Variants in LRRC4C observed in about 807,000 individuals in gnomAD.
The protein encoded by LRRC4C is leucine-rich repeat-containing protein 4C.
A neutral mutation model predicts 33.6 loss-of-function variants in LRRC4C; 5 were observed. The ratio of observed to expected loss-of-function variants is 0.15; its 90% CI spans 0.08 to 0.31. The LOEUF is 0.31. LRRC4C is among the 10% of genes least tolerant of loss of function. LRRC4C has a pLI of 1.00. For synonymous variants in LRRC4C, 329 were observed against 302.0 expected, an observed-to-expected ratio of 1.09 and a Z score of -0.93; for missense variants, 560 against 796.7, an observed-to-expected ratio of 0.70 and a Z score of 3.58.
chr11:40,974,657 A>G (rs1256868144), intron 1 of LRRC4C, among the ~76,000 whole-genome samples: 1 of 152,218 alleles, frequency 6.6e-6, no homozygotes, highest in Non-Finnish European at 1.5e-5. Flanking sequence ...GTAAAGCATT[A>G]CACTTAGGTG....
intron 1 of LRRC4C, chr11:41,426,505 G>C (rs1012862672): frequency 6.6e-6 from 1 of 152,162 alleles, no homozygotes; most frequent in Non-Finnish European, 1.5e-5. Context: ...GCTTGTGCTC[G>C]TGTTTTGGTT....
chr11:40,170,909 A>C (rs1859992473), intron 5 of LRRC4C, among the ~76,000 whole-genome samples: 2 of 152,228 alleles, frequency 1.3e-5, no homozygotes. Flanking sequence ...AGCACTTCTC[A>C]GAGCCTTTTA....
intron 1 of LRRC4C, among the ~76,000 whole-genome samples, chr11:41,182,801 G>A (rs1945510083): frequency 6.7e-6 from 1 of 150,178 alleles, no homozygotes; most frequent in Non-Finnish European, 1.5e-5. Context: ...TACTATATTA[G>A]TCTGTTTTCA....
At chr11:40,678,088 G>A (rs116787488) in intron 2 of LRRC4C, among the ~76,000 whole-genome samples, 208 of 151,828 alleles carry the variant, frequency 1.4e-3, no homozygotes, top group African/African-American at 4.9e-3. Flanking sequence ...GGGGTAGGGT[G>A]GGTTCTGCTA....
At chr11:40,399,307 G>A (rs1395773944) in intron 3 of LRRC4C, among the ~76,000 whole-genome samples, 16 of 152,060 alleles carry the variant, frequency 1.1e-4, no homozygotes, top group Non-Finnish European at 1.9e-4. Context: ...TGATAGACTG[G>A]ATTAAGAAAA....
chr11:40,922,531 G>C (rs1481350401), intron 2 of LRRC4C, among the ~76,000 whole-genome samples: 1 of 152,106 alleles, frequency 6.6e-6, no homozygotes, highest in Non-Finnish European at 1.5e-5. Context: ...TCATTCTCTT[G>C]TCAAGATCAT....
At chr11:40,242,135 T>C (rs1020061660) in intron 4 of LRRC4C, among the ~76,000 whole-genome samples, 9 of 152,202 alleles carry the variant, frequency 5.9e-5, no homozygotes, top group Non-Finnish European at 1.2e-4. Context: ...CTGTACATTT[T>C]AGCATCTTTT....
chr11:41,085,356 A>C (rs982281440), intron 1 of LRRC4C, among the ~76,000 whole-genome samples: 1 of 152,112 alleles, frequency 6.6e-6, no homozygotes, highest in African/African-American at 2.4e-5. Flanking sequence ...AAATATAATG[A>C]ATCTTTGCCT....
At chr11:41,185,596 G>A (rs576594436) in intron 1 of LRRC4C, among the ~76,000 whole-genome samples, 67 of 152,250 alleles carry the variant, frequency 4.4e-4, no homozygotes, top group East Asian at 1.2e-3. Flanking sequence ...ACAGTATTTA[G>A]TGGAGAAAAG....
At chr11:41,179,829 TTGAG>T (rs1945367616) in intron 1 of LRRC4C, among the ~76,000 whole-genome samples, 2 of 152,206 alleles carry the variant, frequency 1.3e-5, no homozygotes, top group Non-Finnish European at 2.9e-5. Flanking sequence ...TACCTATTTA[TTGAG>T]TATCTTCTAT....
intron 3 of LRRC4C, among the ~76,000 whole-genome samples, chr11:40,485,605 A>T (rs539722238): frequency 6.6e-6 from 1 of 152,146 alleles, no homozygotes; most frequent in South Asian, 2.1e-4. Context: ...TTTCAAAGTG[A>T]TCTGACAACC....
At chr11:40,536,875 T>C (rs1956497295) in intron 3 of LRRC4C, among the ~76,000 whole-genome samples, 2 of 152,182 alleles carry the variant, frequency 1.3e-5, no homozygotes, top group Admixed American at 6.5e-5. Context: ...ATTGTCATCA[T>C]CATCCAGCAT....
At chr11:40,206,125 C>A (rs1399039893) in intron 5 of LRRC4C, among the ~76,000 whole-genome samples, 5 of 152,030 alleles carry the variant, frequency 3.3e-5, no homozygotes, top group Non-Finnish European at 4.4e-5. Context: ...TAGTGCCTAA[C>A]ACATCATATA....
chr11:40,745,671 A>G (rs928952100), intron 2 of LRRC4C, among the ~76,000 whole-genome samples: 6 of 152,184 alleles, frequency 3.9e-5, no homozygotes, highest in African/African-American at 1.2e-4. Context: ...AAGATAATGT[A>G]TATTTACATG....
chr11:41,019,027 C>G (rs931052528), intron 1 of LRRC4C, among the ~76,000 whole-genome samples: 1 of 152,098 alleles, frequency 6.6e-6, no homozygotes, highest in Non-Finnish European at 1.5e-5. Flanking sequence ...TGTACTCCAT[C>G]CTAAACCCCT....
intron 4 of LRRC4C, among the ~76,000 whole-genome samples, chr11:40,253,328 G>T (rs559886185): frequency 3.9e-5 from 6 of 152,112 alleles, no homozygotes; most frequent in Non-Finnish European, 8.8e-5. Flanking sequence ...ATCTCCTCTT[G>T]CTTGTTTGTT....
rs11036303 is a variant in LRRC4C at position 41,238,381 on chromosome 11, A to C, written c.-496+221050T>G. ...TTGACCTATATTTAATAATAATTAA[A>C]ATAACATATTATAATTGATACTAAC... On this transcript the variant is annotated intron_variant, in intron 1 of 6. Coordinates refer to ENST00000528697, the MANE Select transcript of LRRC4C (RefSeq NM_001258419.2). Among the ~76,000 whole-genome samples, 20 of 152,276 alleles carry C rather than the reference A, an allele frequency of 1.3e-4. No homozygotes were observed. In the East Asian group the frequency reaches 3.9e-3, roughly 29 times the overall value.
chr11:40,739,071 C>T (rs533662805), intron 2 of LRRC4C, among the ~76,000 whole-genome samples: 15 of 148,600 alleles, frequency 1.0e-4, no homozygotes, highest in African/African-American at 3.5e-4. Context: ...GATTTGAGAT[C>T]TACCTTCTTA....
intron 2 of LRRC4C, among the ~76,000 whole-genome samples, chr11:40,871,109 A>G (rs1214039647): frequency 6.6e-6 from 1 of 152,152 alleles, no homozygotes; most frequent in Non-Finnish European, 1.5e-5. Flanking sequence ...CGCCTAATAA[A>G]TTTTGGTCAG....
Sources: allele counts gnomAD v4.1 joint callset (sites outside exome capture counted in the v4.1 genomes callset), GRCh38; gene constraint gnomAD v4.1.1; transcripts MANE v1.5; gene names NCBI Gene and HGNC (gene_info 2026-07-23, HGNC 2026-07-21).